RAD51: variants seen among roughly 807,000 people sequenced by gnomAD.
RAD51 encodes DNA repair protein RAD51 homolog 1.
A neutral mutation model predicts 41.5 loss-of-function variants in RAD51; 14 were observed. The observed-to-expected ratio is 0.34, with a 90% CI of 0.22 to 0.53. RAD51 has a LOEUF of 0.53. Among genes scored for constraint, RAD51 ranks in the 20% least tolerant of loss-of-function variants. The pLI, the probability that RAD51 is intolerant of heterozygous loss-of-function variation, is 0.95. For synonymous variants in RAD51, 136 were observed against 148.6 expected (o/e 0.92, Z 0.62); for missense variants, 234 against 422.0 (o/e 0.55, Z 3.90).
At chr15:40,724,670 A>ATTTGTTTTTTTTTTTTTT (rs757564729) in intron 6 of RAD51, among the ~76,000 whole-genome samples, 4 of 72,028 alleles carry the variant, frequency 5.6e-5, no homozygotes, top group Non-Finnish European at 5.7e-5. Flanking sequence ...TAATTTTTTT[A>ATTTGTTTTTTTTTTTTTT]TTTCTTTTTT....
chr15:40,707,012 A>T (rs902727877), intron 4 of RAD51, among the ~76,000 whole-genome samples: 4 of 152,176 alleles, frequency 2.6e-5, no homozygotes, highest in African/African-American at 9.6e-5. Flanking sequence ...ATTTTTCGAG[A>T]CAGGGTCTCA....
chr15:40,726,453 C>T (rs1488338488), intron 6 of RAD51, among the ~76,000 whole-genome samples: 1 of 151,750 alleles, frequency 6.6e-6, no homozygotes, highest in Non-Finnish European at 1.5e-5. Context: ...GGGTTTTCGC[C>T]TTGTTGGCAA....
intron 6 of RAD51, among the ~76,000 whole-genome samples, chr15:40,719,500 C>T (rs1486410618): frequency 1.3e-5 from 2 of 152,122 alleles, no homozygotes; most frequent in Non-Finnish European, 2.9e-5. Flanking sequence ...ATAAGAGACA[C>T]TGCGTGGCTA....
rs1219596818 is a variant in RAD51, at chr15:40,731,208, T to G, written c.*30T>G. 6.2e-7 allele frequency: 1 copy of G among 1,613,668 alleles called. No homozygotes were observed. Among genetic ancestry groups the G allele is most frequent in the East Asian group, 2.2e-5 (1 of 44,858 alleles). On this transcript the variant is annotated 3_prime_UTR_variant, in exon 10 of 10. Transcript: ENST00000267868. Reference sequence around the variant, plus strand: ...TTGGGTTTTTCCTCTGTTAAAAACCTTAAGTGCTGCAGCCTAATGAGAGTG... The same window carrying G: ...TTGGGTTTTTCCTCTGTTAAAAACCGTAAGTGCTGCAGCCTAATGAGAGTG...
At position 40,731,173 on chromosome 15, in the gene RAD51, G is replaced by T; in HGVS notation, c.1015G>T (p.Asp339Tyr). The T allele has an allele frequency of 6.2e-7, 1 of 1,614,086 alleles. No homozygotes were observed. The highest frequency in any genetic ancestry group is 8.5e-7 in the Non-Finnish European group (1 of 1,180,008). ...INADGVGDAK[D>Y] Reference sequence around the variant, plus strand: ...TGCAGATGGAGTGGGAGATGCCAAAGACTGAATCATTGGGTTTTTCCTCTG... The same window carrying T: ...TGCAGATGGAGTGGGAGATGCCAAATACTGAATCATTGGGTTTTTCCTCTG... Residue 339 changes from aspartate to tyrosine, a missense_variant, in exon 10 of 10, where the codon GAC (aspartate) becomes TAC (tyrosine). Physicochemically the swap from Asp to Tyr is radical, Grantham distance 160. This residue lies in a region of RAD51 where 134 missense variants were observed against 286.5 expected (regional missense o/e 0.47). Coordinates refer to ENST00000267868, the MANE Select transcript of RAD51 (RefSeq NM_002875.5).
intron 3 of RAD51, among the ~76,000 whole-genome samples, chr15:40,701,421 G>A (rs1241949828): frequency 1.5e-5 from 2 of 137,070 alleles, no homozygotes; most frequent in East Asian, 2.2e-4. Context: ...GTCACACAGG[G>A]TGGAGTGCAG....
chr15:40,728,455 GAAAA>G (rs34910367), intron 6 of RAD51, among the ~76,000 whole-genome samples: 2 of 144,546 alleles, frequency 1.4e-5, no homozygotes, highest in Admixed American at 6.9e-5. Context: ...CCGTCTCAAA[GAAAA>G]AAAAAAAAGA....
At chr15:40,704,065 G>C (rs1408881194) in intron 3 of RAD51, among the ~76,000 whole-genome samples, 1 of 151,770 alleles carries the variant, frequency 6.6e-6, no homozygotes, top group Non-Finnish European at 1.5e-5. Flanking sequence ...ACCATGCCCT[G>C]CTATTTATTT....
At chr15:40,712,877 C>CTTTTCTTT (rs768482559) in intron 5 of RAD51, among the ~76,000 whole-genome samples, 1 of 103,900 alleles carries the variant, frequency 9.6e-6, no homozygotes, top group African/African-American at 3.8e-5. Flanking sequence ...CTTTTCTTTT[C>CTTTTCTTT]TTTTTTTTTT....
intron 6 of RAD51, among the ~76,000 whole-genome samples, chr15:40,724,924 GCT>G (rs1210491052): frequency 9.1e-6 from 1 of 110,080 alleles, no homozygotes; most frequent in African/African-American, 3.7e-5. Flanking sequence ...ACAGAGTCTC[GCT>G]CTGTCGCCCA....
chr15:40,729,286 T>C (rs1157466901), intron 7 of RAD51, among the ~76,000 whole-genome samples: 1 of 139,002 alleles, frequency 7.2e-6, no homozygotes, highest in Non-Finnish European at 1.5e-5. Flanking sequence ...AGCAGGAGAA[T>C]GGAGTGAACC....
chr15:40,709,882 G>A (rs908441661), intron 5 of RAD51, among the ~76,000 whole-genome samples: 1 of 151,946 alleles, frequency 6.6e-6, no homozygotes, highest in East Asian at 1.9e-4. Context: ...AAGATGACAG[G>A]CCAGGCACGG....
intron 3 of RAD51, 109 bp downstream of exon 3, chr15:40,701,310 C>G: frequency 4.1e-6 from 5 of 1,223,462 alleles, no homozygotes; most frequent in Non-Finnish European, 6.0e-6. Flanking sequence ...ATCTCATTAT[C>G]CTTTCCAGGG....
At chr15:40,718,424 A>G (rs1896092246) in intron 5 of RAD51, among the ~76,000 whole-genome samples, 2 of 149,332 alleles carry the variant, frequency 1.3e-5, no homozygotes, top group South Asian at 4.3e-4. Flanking sequence ...AGGCTGAGGC[A>G]GGAGAGTTGC....
chr15:40,729,556 C>T lies in RAD51; in HGVS notation c.696C>T (p.Tyr232=), dbSNP rs766705075. The T allele has an allele frequency of 1.1e-5, 18 of 1,613,886 alleles. No individual in the cohort carries two copies. In the African/African-American group the frequency reaches 2.0e-4, roughly 18 times the overall value. The change falls in exon 8 of 10, where the codon TAC becomes TAT. Residue 232 remains tyrosine, a synonymous_variant. Transcript: ENST00000267868. ...DSATALYRTD[Y]SGRGELSARQ... ...CCACCGCCCTTTACAGAACAGACTA[C>T]TCGGGTCGAGGTGAGCTTTCAGCCA... is the stretch of plus-strand genomic sequence containing the variant.
intron 1 of RAD51, among the ~76,000 whole-genome samples, chr15:40,697,659 G>A (rs368046046): frequency 2.6e-4 from 36 of 135,860 alleles, no homozygotes; most frequent in African/African-American, 1.0e-3. Flanking sequence ...CTCACTGCAA[G>A]CTCCGCCTCC....
intron 3 of RAD51, 46 bp from the exon 4 acceptor site, chr15:40,706,131 G>T (rs774375308): frequency 7.0e-7 from 1 of 1,425,334 alleles, no homozygotes; most frequent in Non-Finnish European, 9.9e-7. Flanking sequence ...GATCACTGTG[G>T]TAAGGAATAT....
chr15:40,719,506 G>A (rs1896161677), intron 6 of RAD51, among the ~76,000 whole-genome samples: 1 of 152,132 alleles, frequency 6.6e-6, no homozygotes, highest in South Asian at 2.1e-4. Flanking sequence ...GACACTGCGT[G>A]GCTATACTAA....
At chr15:40,713,828 G>C (rs1007019867) in intron 5 of RAD51, among the ~76,000 whole-genome samples, 2 of 151,148 alleles carry the variant, frequency 1.3e-5, no homozygotes, top group Admixed American at 6.6e-5. Context: ...GGATGGTCTC[G>C]ATCTCCTGAC....
Sources: gnomAD v4.1 joint callset for allele counts (sites outside exome capture counted in the v4.1 genomes callset) on GRCh38, gnomAD v4.1.1 for gene constraint, gnomAD v4.1.1 regional missense constraint, MANE v1.5 for transcripts, NCBI Gene and HGNC (gene_info 2026-07-23, HGNC 2026-07-21) for gene names.